The following ZNF671 variants were observed in gnomAD, a reference collection of about 807,000 sequenced individuals.
ZNF671 encodes zinc finger protein 671.
Under a neutral mutation model 16.6 loss-of-function variants are expected in ZNF671, and 19 were observed. The observed-to-expected ratio is 1.14, with a 90% CI of 0.80 to 1.68. The LOEUF is 1.68. Ranked by LOEUF, ZNF671 falls within the 40% of genes most tolerant of loss-of-function variation. The pLI is 0.00. For missense variants in ZNF671, 637 were observed against 659.8 expected (o/e 0.97, Z 0.38); for synonymous variants, 238 against 236.3 (o/e 1.01, Z -0.06).
At chr19:57,724,554 C>A (rs1281728535) in intron 1 of ZNF671, among the ~76,000 whole-genome samples, 1 of 146,600 alleles carries the variant, frequency 6.8e-6, no homozygotes, top group Non-Finnish European at 1.5e-5. Context: ...TAGACAGATT[C>A]TTGCACTGTT....
rs1010777226 is a variant in ZNF671 at position 57,720,310 on chromosome 19, C to G, written c.*171G>C. On this transcript the variant is annotated 3_prime_UTR_variant, in exon 4 of 4. Coordinates refer to ENST00000317398, the MANE Select transcript of ZNF671 (RefSeq NM_024833.3). ...TGGGCTGAACAGAGACAGCACATTG[C>G]TTAGACTGCTAAGGCCTGTGTCCGG... The G allele has an allele frequency of 1.2e-4, 111 of 933,198 alleles. No individual in the cohort carries two copies. The African/African-American group carries it at 1.7e-3, about 14-fold the overall frequency. The allele number at this position is 933,198 out of a possible 1,614,324, so 57.8% of individuals were successfully genotyped here. A position where few individuals can be genotyped will look rare whatever the true frequency, so the allele number is the denominator to read the frequency against.
chr19:57,720,377 A>G lies in ZNF671; in HGVS notation c.*104T>C. On this transcript the variant is annotated 3_prime_UTR_variant, in exon 4 of 4. Transcript: ENST00000317398. ...GCGGGTAAGGTTCAGCCTCCAGGGG[A>G]AGGCTTTCCTGCATCTGCTGCACTC... The G allele has an allele frequency of 6.9e-7, 1 of 1,457,128 alleles. No homozygotes were observed. The highest frequency in any genetic ancestry group is 9.2e-7 in the Non-Finnish European group (1 of 1,085,966). The allele number at this position is 1,457,128 out of a possible 1,614,324, so 90.3% of individuals were successfully genotyped here. A position where few individuals can be genotyped will look rare whatever the true frequency, so the allele number is the denominator to read the frequency against.
rs1253059718 is a variant in ZNF671 at position 57,720,432 on chromosome 19, G to A, written c.*49C>T. 1 of 1,575,200 alleles carries A rather than the reference G, an allele frequency of 6.3e-7. No homozygotes were observed. Among genetic ancestry groups the A allele is most frequent in the Non-Finnish European group, 8.6e-7 (1 of 1,157,714 alleles). ...ACTACTGCTAGTTCCCCACCATATA[G>A]TAAGTCAGGGGCATTGGCCTAAGAC... On this transcript the variant is annotated 3_prime_UTR_variant, in exon 4 of 4. Coordinates refer to ENST00000317398, the MANE Select transcript of ZNF671 (RefSeq NM_024833.3).
rs966510427 is a variant in ZNF671 at position 57,720,103 on chromosome 19, C to G, written c.*378G>C. The G allele has an allele frequency of 4.5e-6, 1 of 219,842 alleles. No individual in the cohort carries two copies. The highest frequency in any genetic ancestry group is 9.4e-5 in the South Asian group (1 of 10,594). 13.6% of individuals were successfully genotyped at this position (219,842 alleles called of 1,614,324 possible). A position where few individuals can be genotyped will look rare whatever the true frequency, so the allele number is the denominator to read the frequency against. ...TGCCAGATGGTAGGAGCAGATGGCTCCTGCCCCAGCAAAGGCCAATAGCCA... is the reference window on the plus strand; with the variant it reads ...TGCCAGATGGTAGGAGCAGATGGCTGCTGCCCCAGCAAAGGCCAATAGCCA... On this transcript the variant is annotated 3_prime_UTR_variant, in exon 4 of 4. Transcript: ENST00000317398.
At chr19:57,724,024 CAG>C (rs1252703009) in intron 1 of ZNF671, among the ~76,000 whole-genome samples, 2 of 140,230 alleles carry the variant, frequency 1.4e-5, no homozygotes, top group Non-Finnish European at 3.0e-5. Flanking sequence ...AGTCTGGCGA[CAG>C]AGTGAGACTC....
chr19:57,720,770 T>C lies in ZNF671; in HGVS notation c.1316A>G (p.His439Arg). The change falls in exon 4 of 4, where the codon CAC becomes CGC. Residue 439 changes from histidine to arginine, a missense_variant. Coordinates refer to ENST00000317398, the MANE Select transcript of ZNF671 (RefSeq NM_024833.3). Reference sequence around the variant, plus strand: ...GTGAATTCTCCAGTGTACATTAAGGTGGGAGCTTTGGCTAAAGGCCTTCCC... The same window carrying C: ...GTGAATTCTCCAGTGTACATTAAGGCGGGAGCTTTGGCTAAAGGCCTTCCC... Reference protein sequence around the residue: ...ECGKAFSQSSHLNVHWRIHSS... With the variant: ...ECGKAFSQSSRLNVHWRIHSS... 6.2e-7 allele frequency: 1 copy of C among 1,614,204 alleles called. No individual in the cohort carries two copies. Among genetic ancestry groups the C allele is most frequent in the Non-Finnish European group, 8.5e-7 (1 of 1,180,038 alleles).
At position 57,721,052 on chromosome 19, in the gene ZNF671, T is replaced by A. The variant is rs763684685; in HGVS notation, c.1034A>T (p.Glu345Val). Residue 345 changes from glutamate to valine, a missense_variant, in exon 4 of 4, where the codon GAA becomes GTA. By Grantham distance (121) the Glu-to-Val change is moderately radical (BLOSUM62 -2). Coordinates refer to ENST00000317398, the MANE Select transcript of ZNF671 (RefSeq NM_024833.3). Reference sequence around the variant, plus strand: ...GATTTGTCTAAAGAATTTCCCACATTCGCTGCACTCGTATGGCCTTTCTCC... The same window carrying A: ...GATTTGTCTAAAGAATTTCCCACATACGCTGCACTCGTATGGCCTTTCTCC... ...HTGERPYECSECGKFFRQISG... is the reference protein window; with the variant it reads ...HTGERPYECSVCGKFFRQISG... 6.2e-7 allele frequency: 1 copy of A among 1,614,148 alleles called. No homozygotes were observed. Among genetic ancestry groups the A allele is most frequent in the Non-Finnish European group, 8.5e-7 (1 of 1,179,976 alleles).
intron 1 of ZNF671, among the ~76,000 whole-genome samples, chr19:57,726,209 C>G (rs887582500): frequency 4.6e-5 from 7 of 150,754 alleles, no homozygotes; most frequent in African/African-American, 1.7e-4. Context: ...GTAATCTCAA[C>G]TACTTGGGAG....
In ZNF671 at chr19:57,722,370, G is replaced by A; in HGVS notation, c.334C>T (p.Gln112Ter). ...TCTGTGGCTGAAGTCATATCCACCT[G>A]GTCATACACCCAGGGCTCTTCTCCT... ...ERGEEPWVYDQVDMTSATERE... is the reference protein window; with the variant it reads ...ERGEEPWVYD The change falls in exon 3 of 4, where the codon CAG becomes TAG. Residue 112 changes from glutamine (Q) to a stop codon, truncating the protein, a stop_gained. Coordinates refer to ENST00000317398, the MANE Select transcript of ZNF671 (RefSeq NM_024833.3). LOFTEE classifies it high-confidence loss of function. 3 of 1,614,082 alleles carry A rather than the reference G, an allele frequency of 1.9e-6. No homozygotes were observed. The highest frequency in any genetic ancestry group is 2.5e-6 in the Non-Finnish European group (3 of 1,180,016).
intron 1 of ZNF671, 156 bp downstream of exon 1, chr19:57,727,235 C>T (rs914864786): frequency 9.2e-7 from 1 of 1,088,566 alleles, no homozygotes; most frequent in Non-Finnish European, 1.2e-6. Flanking sequence ...TTACCTGCGC[C>T]GTCCCCTCCG....
intron 3 of ZNF671, 108 bp downstream of exon 3, chr19:57,722,208 A>C: frequency 2.0e-6 from 3 of 1,511,680 alleles, no homozygotes; most frequent in Non-Finnish European, 2.7e-6. Flanking sequence ...GGACAGATAG[A>C]AACGCTGTGT....
chr19:57,722,449 G>A lies in ZNF671; in HGVS notation c.266-11C>T, dbSNP rs1985914666. ...TGGAAAATGCAATTCCTAAGGGAAA[G>A]TCAGAACAGGTGAGCAGCCAGCACT... On this transcript the variant is annotated splice_polypyrimidine_tract_variant and intron_variant, in intron 2 of 3. Transcript: ENST00000317398. 1 of 1,612,718 alleles carries A rather than the reference G, an allele frequency of 6.2e-7. No individual in the cohort carries two copies.
chr19:57,727,199 TG>T (rs1439466259), intron 1 of ZNF671, 191 bp downstream of exon 1: 4 of 637,996 alleles, frequency 6.3e-6, no homozygotes, highest in African/African-American at 3.7e-5. Context: ...CCCAAATGTT[TG>T]GGGGTCAGCA....
Position 57,721,144 on chromosome 19 carries a change from C to T in ZNF671, c.942G>A (p.Glu314=), listed in dbSNP as rs1448669787. The part of the protein sequence containing the change: ...QRIHTGERPY[E]CNECGKFFSQ... The stretch of plus-strand genomic sequence containing the variant: ...TGAAGAATTTCCCACATTCGTTACA[C>T]TCATAAGGCCTTTCTCCAGTGTGGA... The change falls in exon 4 of 4, where the codon GAG becomes GAA. Residue 314 remains glutamate, a synonymous_variant. Coordinates refer to ENST00000317398, the MANE Select transcript of ZNF671 (RefSeq NM_024833.3). 2 of 1,614,168 alleles carry T rather than the reference C, an allele frequency of 1.2e-6. No individual in the cohort carries two copies. The highest frequency in any genetic ancestry group is 1.7e-6 in the Non-Finnish European group (2 of 1,180,010).
In ZNF671 at chr19:57,727,519, G is replaced by A. The variant is rs762003765; in HGVS notation, c.10C>T (p.Pro4Ser). MLS[P>S]VSRDASDALQ... ...GCATCAGACGCGTCTCGGGACACTG[G>A]GGACAACATCTCCTCCGCGCTTTCC... is the stretch of plus-strand genomic sequence containing the variant. Residue 4 changes from proline to serine, a missense_variant, in exon 1 of 4, where the codon CCA (proline) becomes TCA (serine). By Grantham distance (74) the Pro-to-Ser change is moderately conservative. Coordinates refer to ENST00000317398, the MANE Select transcript of ZNF671 (RefSeq NM_024833.3). 3.1e-6 allele frequency: 5 copies of A among 1,603,520 alleles called. No individual in the cohort carries two copies. The South Asian group carries it at 5.5e-5, about 18-fold the overall frequency.
intron 1 of ZNF671, among the ~76,000 whole-genome samples, chr19:57,724,126 C>G (rs2122465204): frequency 6.6e-6 from 1 of 152,180 alleles, no homozygotes; most frequent in East Asian, 1.9e-4. Context: ...CAAGGAAAGC[C>G]CTATTGTTGC....
Position 57,727,504 on chromosome 19 carries a change from C to T in ZNF671, c.25G>A (p.Ala9Thr). MLSPVSRDASDALQGRKCL... is the reference protein window; with the variant it reads MLSPVSRDTSDALQGRKCL... ...TTCCGTCCCTGCAGAGCATCAGACG[C>T]GTCTCGGGACACTGGGGACAACATC... is the stretch of plus-strand genomic sequence containing the variant. Residue 9 changes from alanine (A) to threonine (T), a missense_variant, in exon 1 of 4, where the codon GCG becomes ACG. Physicochemically the swap from Ala to Thr is moderately conservative, Grantham distance 58. Coordinates refer to ENST00000317398, the MANE Select transcript of ZNF671 (RefSeq NM_024833.3). The T allele has an allele frequency of 6.2e-7, 1 of 1,609,160 alleles. No homozygotes were observed. The highest frequency in any genetic ancestry group is 8.5e-7 in the Non-Finnish European group (1 of 1,176,362).
rs897475081 is a variant in ZNF671 at position 57,720,929 on chromosome 19, C to T, written c.1157G>A (p.Arg386Gln). ...GGCTCCTGTGTGAACTTCCTGGTGT[C>T]GAATGAGATTAGACTTACTGCTAAA... ...KFFSSKSNLIRHQEVHTGARP... is the reference protein window; with the variant it reads ...KFFSSKSNLIQHQEVHTGARP... Residue 386 changes from arginine (R) to glutamine (Q), a missense_variant, in exon 4 of 4, where the codon CGA becomes CAA. Transcript: ENST00000317398. 30 of 1,613,890 alleles carry T rather than the reference C, an allele frequency of 1.9e-5. No individual in the cohort carries two copies. The highest frequency in any genetic ancestry group is 2.2e-5 in the East Asian group (1 of 44,886).
rs1223455272 is a variant in ZNF671, at chr19:57,721,256, C to G, written c.830G>C (p.Gly277Ala). ...GTGATACCTCTGTCCCATGAGAAAG[C>G]CACTCACAAGCTTAGTGCTCTTGTG... Reference protein sequence around the residue: ...KPHKSTKLVSGFLMGQRYHRC... With the variant: ...KPHKSTKLVSAFLMGQRYHRC... The change falls in exon 4 of 4, where the codon GGC becomes GCC. Residue 277 changes from glycine (G) to alanine (A), a missense_variant. Coordinates refer to ENST00000317398, the MANE Select transcript of ZNF671 (RefSeq NM_024833.3). 1 of 1,592,442 alleles carries G rather than the reference C, an allele frequency of 6.3e-7. No homozygotes were observed. The highest frequency in any genetic ancestry group is 1.3e-5 in the African/African-American group (1 of 74,674).
Sources: allele counts gnomAD v4.1 joint callset (sites outside exome capture counted in the v4.1 genomes callset), GRCh38; gene constraint gnomAD v4.1.1; transcripts MANE v1.5; gene names NCBI Gene and HGNC (gene_info 2026-07-23, HGNC 2026-07-21).